ERBIN: variants seen among roughly 807,000 people sequenced by gnomAD.
ERBIN encodes densin-180-like protein.
In ERBIN, 60 loss-of-function variants were observed where a neutral mutation model predicts 158.4. The observed-to-expected ratio is 0.38, with a 90% CI of 0.31 to 0.47. The LOEUF is 0.47. ERBIN is among the 20% of genes least tolerant of loss of function. The pLI is 0.99. For synonymous variants in ERBIN, 594 were observed against 557.2 expected, an observed-to-expected ratio of 1.07 and a Z score of -0.93; for missense variants, 1,610 against 1,648.0, an observed-to-expected ratio of 0.98 and a Z score of 0.40.
intron 7 of ERBIN, among the ~76,000 whole-genome samples, chr5:66,018,484 AT>A (rs1561380330): frequency 0.028 from 376 of 13,196 alleles, 114 homozygotes; most frequent in Non-Finnish European, 0.035. Context: ...TATATATTAT[AT>A]ATTATATTAT....
At chr5:65,939,773 T>C (rs1369219480) in intron 1 of ERBIN, among the ~76,000 whole-genome samples, 3 of 152,126 alleles carry the variant, frequency 2.0e-5, no homozygotes, top group Non-Finnish European at 4.4e-5. Context: ...GGTCTCCAGC[T>C]CCGAACTGCG....
intron 1 of ERBIN, among the ~76,000 whole-genome samples, chr5:65,963,147 G>C (rs1748103227): frequency 6.6e-6 from 1 of 152,054 alleles, no homozygotes; most frequent in South Asian, 2.1e-4. Flanking sequence ...CTTTAGAATA[G>C]CTTTTTATTG....
intron 1 of ERBIN, among the ~76,000 whole-genome samples, chr5:65,981,239 T>G (rs1473769159): frequency 6.6e-6 from 1 of 152,146 alleles, no homozygotes; most frequent in East Asian, 1.9e-4. Context: ...TTAAATAAAT[T>G]CAGAAAAGAC....
intron 1 of ERBIN, among the ~76,000 whole-genome samples, chr5:65,940,765 A>G (rs113617177): frequency 1.1e-3 from 149 of 135,428 alleles, no homozygotes; most frequent in Middle Eastern, 9.2e-3. Flanking sequence ...GGCCGCCCCT[A>G]CTGGGAAGTG....
At chr5:66,023,799 C>T (rs2151146802) in intron 9 of ERBIN, among the ~76,000 whole-genome samples, 1 of 152,086 alleles carries the variant, frequency 6.6e-6, no homozygotes, top group East Asian at 1.9e-4. Flanking sequence ...CCTCAGCCTC[C>T]TGAGTAGCTG....
chr5:66,025,881 C>A lies in ERBIN; in HGVS notation c.924C>A (p.Phe308Leu). 6.4e-7 allele frequency: 1 copy of A among 1,565,468 alleles called. No homozygotes were observed. Among genetic ancestry groups the A allele is most frequent in the Non-Finnish European group, 8.7e-7 (1 of 1,151,764 alleles). The change falls in exon 12 of 26, where the codon TTC becomes TTA. Residue 308 changes from phenylalanine (F) to leucine (L), a missense_variant. Transcript: ENST00000284037. Reference protein sequence around the residue: ...LISVEELDCSFNEVEALPSSI... With the variant: ...LISVEELDCSLNEVEALPSSI... ...CAGTAGAAGAACTGGATTGTAGTTT[C>A]AATGAAGTTGAAGCTTTGCCTTCAT...
intron 1 of ERBIN, among the ~76,000 whole-genome samples, chr5:65,965,062 A>G (rs565157368): frequency 5.6e-4 from 84 of 150,320 alleles, no homozygotes; most frequent in Non-Finnish European, 1.1e-3. Context: ...AAGTACCGGG[A>G]TTACAGGCAT....
At chr5:65,945,214 T>G (rs901649743) in intron 1 of ERBIN, among the ~76,000 whole-genome samples, 10 of 152,232 alleles carry the variant, frequency 6.6e-5, no homozygotes, top group African/African-American at 2.4e-4. Context: ...AGTCTTGTAT[T>G]TTTCTATACA....
chr5:66,077,789 C>CACACAT (rs1279168207), intron 25 of ERBIN, among the ~76,000 whole-genome samples: 50 of 131,922 alleles, frequency 3.8e-4, no homozygotes, highest in African/African-American at 1.4e-3. Flanking sequence ...CACACACACA[C>CACACAT]ACACATACAC....
intron 7 of ERBIN, among the ~76,000 whole-genome samples, chr5:66,017,376 A>G (rs1754876143): frequency 1.3e-5 from 2 of 152,078 alleles, no homozygotes; most frequent in African/African-American, 4.8e-5. Flanking sequence ...TTTTGATATA[A>G]GCCATTTTAA....
At position 66,023,283 on chromosome 5, in the gene ERBIN, C is replaced by T. The variant is rs937481899; in HGVS notation, c.598-7C>T. On this transcript the variant is annotated splice_polypyrimidine_tract_variant and splice_region_variant and intron_variant, in intron 8 of 25. Transcript: ENST00000284037. ...ATTACTGCTATCCCCTACCCTAATC[C>T]CAACAGCCTGAAGTACTTGAGCAAC... is the stretch of plus-strand genomic sequence containing the variant. 5.0e-6 allele frequency: 8 copies of T among 1,610,210 alleles called. No homozygotes were observed. The highest frequency in any genetic ancestry group is 3.4e-5 in the Admixed American group (2 of 59,680).
chr5:66,017,710 G>T, intron 7 of ERBIN, among the ~76,000 whole-genome samples: 1 of 151,760 alleles, frequency 6.6e-6, no homozygotes, highest in East Asian at 1.9e-4. Flanking sequence ...ATTGCCTGTG[G>T]TTTTGAGGTC....
chr5:66,058,460 A>G (rs1235453405), intron 21 of ERBIN, among the ~76,000 whole-genome samples: 6 of 151,690 alleles, frequency 4.0e-5, no homozygotes, highest in African/African-American at 9.7e-5. Context: ...AGTAGGTTGC[A>G]AAAATTTTCT....
At chr5:65,997,120 C>A (rs1000323212) in intron 4 of ERBIN, among the ~76,000 whole-genome samples, 18 of 152,106 alleles carry the variant, frequency 1.2e-4, no homozygotes, top group Non-Finnish European at 1.5e-5. Context: ...ATTTCTTTCT[C>A]TGGGTAGGAC....
chr5:66,055,904 C>G (rs1373818614), intron 21 of ERBIN, among the ~76,000 whole-genome samples: 2 of 151,992 alleles, frequency 1.3e-5, no homozygotes. Flanking sequence ...TAGTGCAGTC[C>G]TCAACTTTAA....
intron 1 of ERBIN, among the ~76,000 whole-genome samples, chr5:65,987,367 T>TACACACACACACACACAC (rs56222591): frequency 0.21 from 28,744 of 135,384 alleles, 3,500 homozygotes; most frequent in Middle Eastern, 0.29. Context: ...AGAGACTGTC[T>TACACACACACACACACAC]ACACACACAC....
chr5:66,043,266 A>T (rs1438197179), intron 16 of ERBIN, 68 bp downstream of exon 16: 1 of 1,460,734 alleles, frequency 6.8e-7, no homozygotes, highest in African/African-American at 1.4e-5. Context: ...TATTATATAT[A>T]CTATGATGTC....
intron 10 of ERBIN, 129 bp downstream of exon 10, chr5:66,024,579 T>C (rs1479520603): frequency 1.1e-6 from 1 of 892,552 alleles, no homozygotes; most frequent in Non-Finnish European, 1.6e-6. Flanking sequence ...ATTTGAATTT[T>C]TCCTGGTGTG....
chr5:66,019,448 C>G (rs983798759), intron 7 of ERBIN, among the ~76,000 whole-genome samples: 1 of 151,972 alleles, frequency 6.6e-6, no homozygotes, highest in Non-Finnish European at 1.5e-5. Context: ...GAAATGAGTT[C>G]AATACAAATG....
Sources: allele counts gnomAD v4.1 joint callset (sites outside exome capture counted in the v4.1 genomes callset), GRCh38; gene constraint gnomAD v4.1.1; transcripts MANE v1.5; gene names NCBI Gene and HGNC (gene_info 2026-07-23, HGNC 2026-07-21).